SLC35D4: variants seen among roughly 807,000 people sequenced by gnomAD.
SLC35D4 encodes the protein solute carrier family 35 member D4, also known as UDP-N-acetylglucosamine transporter SLC35D4.
chr18:23,332,096 T>C, the SLC35D4 span, among the ~76,000 whole-genome samples: 1 of 151,878 alleles, frequency 6.6e-6, no homozygotes, highest in African/African-American at 2.4e-5. Context: ...GGTTTCACTA[T>C]GTTGCCTAGG....
At chr18:23,356,977 A>T in the SLC35D4 span, among the ~76,000 whole-genome samples, 1 of 152,214 alleles carries the variant, frequency 6.6e-6, no homozygotes, top group Non-Finnish European at 1.5e-5. This position sits in a 1 kb window ranked among gnomAD's most constrained non-coding sequence, Gnocchi z 4.1. Flanking sequence ...CATTTAAACT[A>T]AGGCTCAGAG....
the SLC35D4 span, among the ~76,000 whole-genome samples, chr18:23,363,820 G>A: frequency 6.6e-6 from 1 of 152,140 alleles, no homozygotes; most frequent in Admixed American, 6.5e-5. Context: ...AGCCATTTAG[G>A]GTTACCAGTA....
At chr18:23,337,623 T>C in the SLC35D4 span, among the ~76,000 whole-genome samples, 2 of 152,210 alleles carry the variant, frequency 1.3e-5, no homozygotes, top group African/African-American at 2.4e-5. Context: ...ATTCTGAACA[T>C]GGAATCTTAA....
At chr18:23,391,949 T>G in the SLC35D4 span, among the ~76,000 whole-genome samples, 1 of 152,100 alleles carries the variant, frequency 6.6e-6, no homozygotes, top group African/African-American at 2.4e-5. Context: ...CTTCTTTTTT[T>G]TTTTTTGAGA....
At chr18:23,362,272 A>G in the SLC35D4 span, among the ~76,000 whole-genome samples, 1 of 152,256 alleles carries the variant, frequency 6.6e-6, no homozygotes, top group South Asian at 2.1e-4. Context: ...AACGTTGTAC[A>G]AAAGCATTCA....
chr18:23,255,353 CAAAGGCAAA>C, the SLC35D4 span, among the ~76,000 whole-genome samples: 1 of 152,056 alleles, frequency 6.6e-6, no homozygotes, highest in African/African-American at 2.4e-5. Context: ...TCTTCAGTGG[CAAAGGCAAA>C]AAAGCAGAAA....
chr18:23,374,480 G>A, the SLC35D4 span, among the ~76,000 whole-genome samples: 1 of 150,758 alleles, frequency 6.6e-6, no homozygotes, highest in East Asian at 2.0e-4. Flanking sequence ...AAAGAGATAT[G>A]ACATCTTTTT....
the SLC35D4 span, among the ~76,000 whole-genome samples, chr18:23,399,800 C>T: frequency 5.9e-5 from 9 of 152,198 alleles, no homozygotes; most frequent in African/African-American, 7.2e-5. Context: ...TAGTCTTTAT[C>T]GATTGAGTAG....
chr18:23,255,359 C>T, the SLC35D4 span, among the ~76,000 whole-genome samples: 1 of 152,092 alleles, frequency 6.6e-6, no homozygotes, highest in East Asian at 1.9e-4. Context: ...GTGGCAAAGG[C>T]AAAAAAGCAG....
chr18:23,423,806 GAAC>G, the SLC35D4 span, among the ~76,000 whole-genome samples: 1 of 152,168 alleles, frequency 6.6e-6, no homozygotes, highest in African/African-American at 2.4e-5. Context: ...CCAGAAGTGA[GAAC>G]AACAATGGCT....
the SLC35D4 span, among the ~76,000 whole-genome samples, chr18:23,256,978 A>G: frequency 6.6e-6 from 1 of 152,192 alleles, no homozygotes; most frequent in Non-Finnish European, 1.5e-5. Context: ...TATTCCTGAG[A>G]GGATTAAATG....
the SLC35D4 span, among the ~76,000 whole-genome samples, chr18:23,389,267 G>A: frequency 6.6e-6 from 1 of 152,130 alleles, no homozygotes; most frequent in East Asian, 1.9e-4. Flanking sequence ...GGGATTACAG[G>A]CACAGGCCAC....
chr18:23,344,217 T>C, the SLC35D4 span, among the ~76,000 whole-genome samples: 5 of 152,344 alleles, frequency 3.3e-5, no homozygotes, highest in Non-Finnish European at 5.9e-5. Flanking sequence ...TAGTATCCCA[T>C]GGTGCATATG....
At chr18:23,353,568 G>A in the SLC35D4 span, among the ~76,000 whole-genome samples, 13 of 152,164 alleles carry the variant, frequency 8.5e-5, no homozygotes, top group Non-Finnish European at 1.5e-4. Flanking sequence ...CCACATTCTT[G>A]GGGCAGGACT....
the SLC35D4 span, among the ~76,000 whole-genome samples, chr18:23,290,889 C>T: frequency 3.3e-5 from 5 of 151,938 alleles, no homozygotes; most frequent in African/African-American, 7.3e-5. Flanking sequence ...CCACCCGCCT[C>T]GGCCTCTGAA....
chr18:23,255,579 A>AGAC, the SLC35D4 span, among the ~76,000 whole-genome samples: 2 of 114,702 alleles, frequency 1.7e-5, no homozygotes, highest in African/African-American at 8.2e-5. Context: ...TTTTTTTTTG[A>AGAC]GACAGGGTCT....
the SLC35D4 span, among the ~76,000 whole-genome samples, chr18:23,408,734 C>A: frequency 6.6e-6 from 1 of 151,886 alleles, no homozygotes; most frequent in Non-Finnish European, 1.5e-5. Context: ...AAAAAACACA[C>A]ATATTTTCCT....
chr18:23,350,843 G>T, the SLC35D4 span, among the ~76,000 whole-genome samples: 1 of 152,128 alleles, frequency 6.6e-6, no homozygotes, highest in Non-Finnish European at 1.5e-5. Flanking sequence ...AGGAGGGAAT[G>T]GGAGTGATGA....
At chr18:23,357,206 T>TTG in the SLC35D4 span, among the ~76,000 whole-genome samples, 12 of 152,224 alleles carry the variant, frequency 7.9e-5, no homozygotes, top group African/African-American at 2.2e-4. Flanking sequence ...CATTTTTTTT[T>TTG]TCATTTTTAT....
Sources: allele counts gnomAD v4.1 joint callset (sites outside exome capture counted in the v4.1 genomes callset), GRCh38; gene constraint gnomAD v4.1.1; non-coding constraint Gnocchi (gnomAD v3.1); transcripts MANE v1.5; gene names NCBI Gene and HGNC (gene_info 2026-07-23, HGNC 2026-07-21).